ECT2: variants seen among roughly 807,000 people sequenced by gnomAD.
The protein encoded by ECT2 is epithelial cell transforming 2.
A neutral mutation model predicts 116.9 loss-of-function variants in ECT2; 61 were observed. The ratio of observed to expected loss-of-function variants is 0.52; its 90% CI spans 0.42 to 0.65. The LOEUF (loss-of-function observed/expected upper bound fraction) is 0.65. Among genes scored for constraint, ECT2 ranks in the 30% least tolerant of loss-of-function variants. ECT2 has a pLI of 0.00. For synonymous variants in ECT2, 358 were observed against 346.4 expected, an observed-to-expected ratio of 1.03 and a Z score of -0.37; for missense variants, 937 against 1,078.7, an observed-to-expected ratio of 0.87 and a Z score of 1.84.
chr3:172,760,398 A>G, intron 7 of ECT2, 135 bp downstream of exon 7: 2 of 495,324 alleles, frequency 4.0e-6, no homozygotes. Flanking sequence ...TATATTTAGT[A>G]AAAAATTTTA....
intron 12 of ECT2, among the ~76,000 whole-genome samples, chr3:172,764,918 G>A (rs1339465893): frequency 6.6e-6 from 1 of 152,142 alleles, no homozygotes; most frequent in African/African-American, 2.4e-5. Context: ...GTGCTGAACT[G>A]ATACAGAAAG....
downstream of ECT2, among the ~76,000 whole-genome samples, chr3:172,825,246 T>A (rs1003949950): frequency 6.6e-6 from 1 of 152,158 alleles, no homozygotes; most frequent in African/African-American, 2.4e-5. Flanking sequence ...GTTGTGTGTG[T>A]CCTGACTGCT....
intron 22 of ECT2, among the ~76,000 whole-genome samples, chr3:172,813,841 A>G (rs1729209480): frequency 6.6e-6 from 1 of 151,952 alleles, no homozygotes; most frequent in African/African-American, 2.4e-5. Flanking sequence ...CTTTGAGACA[A>G]AAAATTACAG....
rs933338304 is a variant in ECT2 at position 172,818,507 on chromosome 3, A to G, written c.2656-1641A>G. 5.9e-6 allele frequency: 7 copies of G among 1,182,702 alleles called. No individual in the cohort carries two copies. The Admixed American group carries it at 2.5e-4, about 41-fold the overall frequency. The allele number at this position is 1,182,702 out of a possible 1,614,324, so 73.3% of individuals were successfully genotyped here. A position where few individuals can be genotyped will look rare whatever the true frequency, so the allele number is the denominator to read the frequency against. On this transcript the variant is annotated intron_variant, in intron 24 of 24. Transcript: ENST00000392692. ...GAAGCAGCTAAAATACCTTCAAGAC[A>G]TTAATGTCATCTTCTCAATTGCTTG...
At chr3:172,779,421 A>C (rs1479466685) in intron 14 of ECT2, among the ~76,000 whole-genome samples, 1 of 152,064 alleles carries the variant, frequency 6.6e-6, no homozygotes, top group Non-Finnish European at 1.5e-5. Context: ...TTTGAACTTT[A>C]CTGTAATTCT....
intron 14 of ECT2, among the ~76,000 whole-genome samples, chr3:172,777,586 A>G (rs556240592): frequency 6.6e-6 from 1 of 152,288 alleles, no homozygotes; most frequent in South Asian, 2.1e-4. Flanking sequence ...ATTAAACATC[A>G]TTAATCCTTG....
At chr3:172,755,237 A>T (rs962929365) in intron 2 of ECT2, 58 bp from the exon 3 acceptor site, 15 of 1,341,198 alleles carry the variant, frequency 1.1e-5, no homozygotes, top group Non-Finnish European at 1.4e-5. Context: ...AGCGATAAGG[A>T]CCTACTGATT....
chr3:172,808,538 G>T (rs1266725867), intron 22 of ECT2, among the ~76,000 whole-genome samples: 1 of 152,142 alleles, frequency 6.6e-6, no homozygotes. Flanking sequence ...AAATAGGGAA[G>T]TTAAATGACT....
chr3:172,767,556 C>T lies in ECT2; in HGVS notation c.1292-1451C>T, dbSNP rs376229675. Reference sequence around the variant, plus strand: ...GGAAATATATATTATGGTTCTTTGTCACCTATTTCTATTTTATGTCATACA... The same window carrying T: ...GGAAATATATATTATGGTTCTTTGTTACCTATTTCTATTTTATGTCATACA... On this transcript the variant is annotated intron_variant, in intron 12 of 24. Coordinates refer to ENST00000392692, the MANE Select transcript of ECT2 (RefSeq NM_001258315.2). 8.5e-5 allele frequency among the ~76,000 whole-genome samples: 13 copies of T among 152,178 alleles called. No homozygotes were observed. The East Asian group carries it at 9.6e-4, about 11-fold the overall frequency.
downstream of ECT2, among the ~76,000 whole-genome samples, chr3:172,823,278 T>G (rs564874603): frequency 6.6e-6 from 1 of 152,254 alleles, no homozygotes; most frequent in Admixed American, 6.5e-5. Context: ...GATTTACATT[T>G]AGAGTGTAAG....
intron 17 of ECT2, among the ~76,000 whole-genome samples, chr3:172,785,069 T>G (rs984752288): frequency 8.5e-5 from 13 of 152,202 alleles, no homozygotes; most frequent in Non-Finnish European, 1.6e-4. Context: ...GTGTCACTAA[T>G]TCAAAATCAT....
At chr3:172,793,472 C>T (rs574940961) in intron 18 of ECT2, among the ~76,000 whole-genome samples, 4 of 149,214 alleles carry the variant, frequency 2.7e-5, no homozygotes, top group African/African-American at 9.9e-5. Flanking sequence ...CTTTTTTATT[C>T]TTACTTTTTA....
chr3:172,762,852 A>T (rs1466136651), intron 10 of ECT2, 46 bp downstream of exon 10: 1 of 1,610,046 alleles, frequency 6.2e-7, no homozygotes, highest in Non-Finnish European at 8.5e-7. Context: ...CACTATTAAT[A>T]GCTTCTCTGA....
At chr3:172,787,231 A>T (rs190433116) in intron 18 of ECT2, among the ~76,000 whole-genome samples, 1 of 152,272 alleles carries the variant, frequency 6.6e-6, no homozygotes, top group Admixed American at 6.5e-5. Context: ...ATATCAGTAT[A>T]TTTAATAGGT....
At chr3:172,789,067 A>T (rs1285102627) in intron 18 of ECT2, among the ~76,000 whole-genome samples, 2 of 151,578 alleles carry the variant, frequency 1.3e-5, no homozygotes, top group Non-Finnish European at 1.5e-5. Context: ...CAAAAAAAAA[A>T]AAAAAAAAGC....
At position 172,821,371 on chromosome 3, in the gene ECT2, C is replaced by CA. The variant is rs1730665486; in HGVS notation, c.*1135dup. Reference sequence around the variant, plus strand: ...ACTGACTATAGATTGTTTTCTATGCCATGTATGTGCCACTTCTGAGAGTAG... The same window carrying CA: ...ACTGACTATAGATTGTTTTCTATGCCAATGTATGTGCCACTTCTGAGAGTAG... On this transcript the variant is annotated 3_prime_UTR_variant, in exon 25 of 25. Transcript: ENST00000392692. 1 of 151,692 alleles carries CA rather than the reference C, an allele frequency of 6.6e-6. No individual in the cohort carries two copies. The allele number at this position is 151,692 out of a possible 1,614,324, so 9.4% of individuals were successfully genotyped here.
At chr3:172,772,030 C>G (rs546968300) in intron 13 of ECT2, among the ~76,000 whole-genome samples, 155 of 152,232 alleles carry the variant, frequency 1.0e-3, no homozygotes, top group Non-Finnish European at 2.0e-3. Context: ...GGGTCTCACT[C>G]TGTTGCCCAG....
intron 22 of ECT2, among the ~76,000 whole-genome samples, chr3:172,809,599 G>T (rs13059011): frequency 7.9e-6 from 1 of 126,414 alleles, no homozygotes; most frequent in Non-Finnish European, 1.7e-5. Flanking sequence ...ACACACACAC[G>T]CACACACACA....
chr3:172,776,191 G>GTTTTTTTTTTTTTT (rs1294531373), intron 14 of ECT2, among the ~76,000 whole-genome samples: 2 of 106,980 alleles, frequency 1.9e-5, no homozygotes, highest in African/African-American at 8.0e-5. Context: ...TAGTTTTTCA[G>GTTTTTTTTTTTTTT]TTTTTTCTTT....
Sources: gnomAD v4.1 joint callset for allele counts (sites outside exome capture counted in the v4.1 genomes callset) on GRCh38, gnomAD v4.1.1 for gene constraint, MANE v1.5 for transcripts, NCBI Gene and HGNC (gene_info 2026-07-23, HGNC 2026-07-21) for gene names.